MIPOL1: variants seen among roughly 807,000 people sequenced by gnomAD.
The protein encoded by MIPOL1 is mirror-image polydactyly gene 1 protein.
In MIPOL1, 57 loss-of-function variants were observed where a neutral mutation model predicts 60.9. That is an observed-to-expected ratio of 0.94 (90% CI 0.76 to 1.17). The LOEUF (loss-of-function observed/expected upper bound fraction) is 1.17, where lower values mean the gene tolerates loss of function less well. Ranked by LOEUF, MIPOL1 falls within the 50% of genes most tolerant of loss-of-function variation. MIPOL1 has a pLI of 0.00. For missense variants in MIPOL1, 551 were observed against 511.6 expected (o/e 1.08, Z -0.74); for synonymous variants, 179 against 168.8 (o/e 1.06, Z -0.47).
rs187195875 is a variant in MIPOL1, at chr14:37,548,175, G to A, written c.*1204G>A. 9 of 152,008 alleles carry A rather than the reference G, an allele frequency of 5.9e-5. No individual in the cohort carries two copies. The highest frequency in any genetic ancestry group is 1.4e-4 in the African/African-American group (6 of 41,536). 9.4% of individuals were successfully genotyped at this position (152,008 alleles called of 1,614,324 possible). ...AGTAAAATTTTTTCTAAGTCTATAC[G>A]TTTTTAATTCATCTTTAAGATTGAG... On this transcript the variant is annotated 3_prime_UTR_variant, in exon 13 of 13. Transcript: ENST00000684589.
rs2091773273 is a variant in MIPOL1, at chr14:37,355,819, T to G, written c.829-13698T>G. On this transcript the variant is annotated intron_variant, in intron 9 of 12. Coordinates refer to ENST00000684589, the MANE Select transcript of MIPOL1 (RefSeq NM_001388067.1). The stretch of plus-strand genomic sequence containing the variant: ...AGTTATACATTCTTCTAAATTTTTT[T>G]CAAAGTTTTCAACTTCTTTGCCTTT... Among the ~76,000 whole-genome samples the G allele has an allele frequency of 2.7e-5, 4 of 150,672 alleles. No individual in the cohort carries two copies. In the South Asian group the frequency reaches 8.6e-4, roughly 32 times the overall value.
Position 37,299,619 on chromosome 14 carries a change from G to A in MIPOL1, c.624-8437G>A, listed in dbSNP as rs148911898. ...ATTTTTTAGATATTTTTTAAAAAGT[G>A]TAGAATAGTTTTATATTTCTAGAAC... On this transcript the variant is annotated intron_variant, in intron 7 of 12. Transcript: ENST00000684589. 1.4e-4 allele frequency among the ~76,000 whole-genome samples: 22 copies of A among 152,074 alleles called. No homozygotes were observed. The East Asian group carries it at 3.3e-3, about 23-fold the overall frequency.
chr14:37,410,214 G>A (rs1038822519), intron 10 of MIPOL1, among the ~76,000 whole-genome samples: 1 of 143,244 alleles, frequency 7.0e-6, no homozygotes, highest in South Asian at 2.3e-4. Context: ...GTGGAATTCA[G>A]GAGACATTAG....
chr14:37,402,361 G>A (rs1026248833), intron 10 of MIPOL1, among the ~76,000 whole-genome samples: 1 of 152,082 alleles, frequency 6.6e-6, no homozygotes, highest in Non-Finnish European at 1.5e-5. Flanking sequence ...TATAAAATTA[G>A]ATCAGTACTA....
chr14:37,482,456 A>G (rs1215669426), intron 11 of MIPOL1, among the ~76,000 whole-genome samples: 1 of 152,230 alleles, frequency 6.6e-6, no homozygotes. Context: ...TATTTTATAA[A>G]GAAAAGAGGT....
intron 11 of MIPOL1, among the ~76,000 whole-genome samples, chr14:37,472,093 C>T (rs186578618): frequency 2.6e-4 from 40 of 152,282 alleles, no homozygotes; most frequent in Non-Finnish European, 4.4e-4. Flanking sequence ...TATTTAGAAA[C>T]AGCTGTGTAC....
At position 37,508,126 on chromosome 14, in the gene MIPOL1, A is replaced by G. The variant is rs567681782; in HGVS notation, c.1262+7988A>G. ...TATAAGACTTCGTAAGATGGTATTC[A>G]TAGTCTCCTTAAAAATCTGAAATCA... On this transcript the variant is annotated intron_variant, in intron 12 of 12. Transcript: ENST00000684589. Among the ~76,000 whole-genome samples the G allele has an allele frequency of 6.0e-4, 92 of 152,310 alleles. No individual in the cohort carries two copies. The Middle Eastern group carries it at 0.031, about 51-fold the overall frequency.
intron 1 of MIPOL1, 27 bp downstream of exon 1, chr14:37,198,131 G>A (rs1964627183): frequency 6.6e-6 from 1 of 152,340 alleles, no homozygotes; most frequent in African/African-American, 2.4e-5. Context: ...GGAGGTTTGG[G>A]CGACGGAGAA....
At chr14:37,393,342 TTGA>T (rs1233021843) in intron 10 of MIPOL1, among the ~76,000 whole-genome samples, 1 of 151,612 alleles carries the variant, frequency 6.6e-6, no homozygotes, top group African/African-American at 2.4e-5. Context: ...TAACATTTTT[TTGA>T]GTTCTAAAAC....
intron 10 of MIPOL1, among the ~76,000 whole-genome samples, chr14:37,377,020 T>A (rs1234405759): frequency 6.6e-6 from 1 of 152,146 alleles, no homozygotes; most frequent in Non-Finnish European, 1.5e-5. Flanking sequence ...CTAATGACTC[T>A]ATGTCTGCTC....
At chr14:37,519,862 C>A (rs1350329086) in intron 12 of MIPOL1, among the ~76,000 whole-genome samples, 1 of 152,048 alleles carries the variant, frequency 6.6e-6, no homozygotes, top group Non-Finnish European at 1.5e-5. Flanking sequence ...CGGAATTTGG[C>A]CAGGTTTTTA....
chr14:37,448,339 G>A (rs967196220), intron 11 of MIPOL1, among the ~76,000 whole-genome samples: 2 of 152,168 alleles, frequency 1.3e-5, no homozygotes, highest in South Asian at 2.1e-4. Context: ...AGTAAGAAAC[G>A]TGAATCAACA....
chr14:37,445,706 T>G (rs1013085440), intron 11 of MIPOL1, among the ~76,000 whole-genome samples: 7 of 151,732 alleles, frequency 4.6e-5, no homozygotes, highest in Non-Finnish European at 7.4e-5. Context: ...AACAGCATGG[T>G]ACTGGTACCA....
At chr14:37,502,697 A>T (rs768707795) in intron 12 of MIPOL1, 1 of 152,140 alleles carries the variant, frequency 6.6e-6, no homozygotes, top group Non-Finnish European at 1.5e-5. Flanking sequence ...AATTCTAAAA[A>T]CCAGAGCACC....
intron 11 of MIPOL1, among the ~76,000 whole-genome samples, chr14:37,445,476 T>A (rs1208269314): frequency 6.6e-6 from 1 of 151,256 alleles, no homozygotes; most frequent in Non-Finnish European, 1.5e-5. Context: ...AGAATCAATA[T>A]CATGAAAATG....
intron 9 of MIPOL1, among the ~76,000 whole-genome samples, chr14:37,345,672 A>G (rs140521435): frequency 2.0e-5 from 3 of 152,226 alleles, no homozygotes; most frequent in Non-Finnish European, 4.4e-5. Flanking sequence ...TTCAGTAGGT[A>G]ATGATACTTG....
intron 9 of MIPOL1, among the ~76,000 whole-genome samples, chr14:37,347,571 C>T (rs2091032505): frequency 6.6e-6 from 1 of 152,048 alleles, no homozygotes; most frequent in African/African-American, 2.4e-5. Context: ...GTGGATTTTC[C>T]ATCTTTAACA....
intron 1 of MIPOL1, chr14:37,219,747 G>A (rs912771101): frequency 1.3e-5 from 2 of 152,192 alleles, no homozygotes; most frequent in Non-Finnish European, 1.5e-5. Flanking sequence ...TGATGACTGA[G>A]AGAGGTGTGA....
chr14:37,254,931 CTACTT>C (rs1398729460), intron 3 of MIPOL1, among the ~76,000 whole-genome samples: 1 of 151,678 alleles, frequency 6.6e-6, no homozygotes, highest in Admixed American at 6.6e-5. Context: ...AATACAAACT[CTACTT>C]TAAATATGCA....
Sources: allele counts gnomAD v4.1 joint callset (sites outside exome capture counted in the v4.1 genomes callset), GRCh38; gene constraint gnomAD v4.1.1; transcripts MANE v1.5; gene names NCBI Gene and HGNC (gene_info 2026-07-23, HGNC 2026-07-21).